The following EFCAB8 variants were observed in gnomAD, a reference collection of about 807,000 sequenced individuals.
EFCAB8 encodes EF-hand calcium-binding domain-containing protein 8.
Under a neutral mutation model 116.3 loss-of-function variants are expected in EFCAB8, and 100 were observed. The ratio of observed to expected loss-of-function variants is 0.86; its 90% CI spans 0.73 to 1.02. The LOEUF is 1.02. Among genes scored for constraint, EFCAB8 ranks in the 50% least tolerant of loss-of-function variants. EFCAB8 has a pLI of 0.00. For synonymous variants in EFCAB8, 558 were observed against 567.9 expected (o/e 0.98, Z 0.25); for missense variants, 1,320 against 1,416.9 (o/e 0.93, Z 1.10).
At chr20:32,931,505 T>C (rs529858902) in intron 22 of EFCAB8, 169 bp downstream of exon 22, 6 of 500,816 alleles carry the variant, frequency 1.2e-5, no homozygotes, top group Non-Finnish European at 1.6e-5. Flanking sequence ...ACGCCTGTAA[T>C]CCCAGCACTT....
In EFCAB8 at chr20:32,959,828, C is replaced by T. The variant is rs746010816; in HGVS notation, c.3140C>T (p.Ala1047Val). Residue 1047 changes from alanine (A) to valine (V), a missense_variant, in exon 25 of 27, where the codon GCG (alanine) becomes GTG (valine). By Grantham distance (64) the Ala-to-Val change is moderately conservative. Transcript: ENST00000400522. Reference protein sequence around the residue: ...EALIYQRREQAALMALLHGKA... With the variant: ...EALIYQRREQVALMALLHGKA... ...CTGATATACCAGCGGCGAGAGCAGGCGGCGCTGATGGCTCTCCTGCATGGG... is the reference window on the plus strand; with the variant it reads ...CTGATATACCAGCGGCGAGAGCAGGTGGCGCTGATGGCTCTCCTGCATGGG... 2.7e-5 allele frequency: 42 copies of T among 1,539,542 alleles called. 1 individual carries two copies. Among genetic ancestry groups the T allele is most frequent in the South Asian group, 1.2e-4 (10 of 82,204 alleles).
At chr20:32,898,673 G>T (rs1176537718) in intron 11 of EFCAB8, 50 bp downstream of exon 11, 1 of 708,738 alleles carries the variant, frequency 1.4e-6, no homozygotes, top group Admixed American at 2.0e-5. Flanking sequence ...GAAGGGAGGG[G>T]GGTGGTGAGT....
In EFCAB8 at chr20:32,907,441, C is replaced by A. The variant is rs185825194; in HGVS notation, c.1308+447C>A. Among the ~76,000 whole-genome samples, 74 of 152,350 alleles carry A rather than the reference C, an allele frequency of 4.9e-4. 3 individuals carry two copies. The East Asian group carries it at 0.012, about 25-fold the overall frequency. ...GCCTGGCCATGAGGGCTGGGCTTGG[C>A]CTTTCCCACATGCCAGGGCTCCCAC... is the stretch of plus-strand genomic sequence containing the variant. On this transcript the variant is annotated intron_variant, in intron 13 of 26. Transcript: ENST00000400522.
Position 32,912,879 on chromosome 20 carries a change from T to C in EFCAB8, c.1856+15T>C, listed in dbSNP as rs374084116. The C allele has an allele frequency of 4.2e-6, 3 of 718,210 alleles. No individual in the cohort carries two copies. Among genetic ancestry groups the C allele is most frequent in the Non-Finnish European group, 5.2e-6 (2 of 384,930 alleles). 44.5% of individuals were successfully genotyped at this position (718,210 alleles called of 1,614,324 possible). On this transcript the variant is annotated intron_variant, in intron 17 of 26. Coordinates refer to ENST00000400522, the MANE Select transcript of EFCAB8 (RefSeq NM_001143967.2). Reference sequence around the variant, plus strand: ...ACTCATTTCCTGTGAGTAGAAAGCATGTATGGTGAGTAGGTTCCAGTAGCT... The same window carrying C: ...ACTCATTTCCTGTGAGTAGAAAGCACGTATGGTGAGTAGGTTCCAGTAGCT...
chr20:32,886,027 T>C (rs879801497), intron 6 of EFCAB8, among the ~76,000 whole-genome samples: 2 of 152,212 alleles, frequency 1.3e-5, no homozygotes, highest in Non-Finnish European at 2.9e-5. Flanking sequence ...GTCCTACCGA[T>C]TCAGGCCTTT....
At position 32,893,210 on chromosome 20, in the gene EFCAB8, C is replaced by A; in HGVS notation, c.795C>A (p.Asp265Glu). The A allele has an allele frequency of 1.3e-6, 2 of 1,552,066 alleles. No individual in the cohort carries two copies. The highest frequency in any genetic ancestry group is 1.7e-6 in the Non-Finnish European group (2 of 1,147,068). Residue 265 changes from aspartate to glutamate, a missense_variant, in exon 9 of 27, where the codon GAC becomes GAA. Transcript: ENST00000400522. Reference protein sequence around the residue: ...DYHRGVFCYGDAKGNVIVFTS... With the variant: ...DYHRGVFCYGEAKGNVIVFTS... Reference sequence around the variant, plus strand: ...ACAGAGGTGTGTTCTGCTATGGAGACGCCAAAGGCAACGTCATTGTCTTCA... The same window carrying A: ...ACAGAGGTGTGTTCTGCTATGGAGAAGCCAAAGGCAACGTCATTGTCTTCA...
intron 6 of EFCAB8, among the ~76,000 whole-genome samples, chr20:32,887,355 C>T (rs1196761073): frequency 2.0e-5 from 3 of 152,216 alleles, no homozygotes; most frequent in Admixed American, 1.3e-4. Context: ...GCAGGCGGAT[C>T]ACTTGAGGTC....
chr20:32,920,198 A>T lies in EFCAB8; in HGVS notation c.2395A>T (p.Ser799Cys), dbSNP rs768958022. 1 of 1,551,662 alleles carries T rather than the reference A, an allele frequency of 6.4e-7. No homozygotes were observed. The highest frequency in any genetic ancestry group is 1.2e-5 in the South Asian group (1 of 84,040). ...GCAGAAGAATATGTTGGTTCAATCC[A>T]GTGCCTCGGTGGAGAAGGTTGGCCG... Reference protein sequence around the residue: ...EWQKNMLVQSSASVEKIIFLQ... With the variant: ...EWQKNMLVQSCASVEKIIFLQ... Residue 799 changes from serine (S) to cysteine (C), a missense_variant, in exon 20 of 27, where the codon AGT (serine) becomes TGT (cysteine). Physicochemically the swap from Ser to Cys is moderately radical, Grantham distance 112. Coordinates refer to ENST00000400522, the MANE Select transcript of EFCAB8 (RefSeq NM_001143967.2).
In EFCAB8 at chr20:32,893,303, C is replaced by T; in HGVS notation, c.883+5C>T. 1 of 1,551,708 alleles carries T rather than the reference C, an allele frequency of 6.4e-7. No individual in the cohort carries two copies. Among genetic ancestry groups the T allele is most frequent in the Non-Finnish European group, 8.7e-7 (1 of 1,146,976 alleles). On this transcript the variant is annotated splice_donor_5th_base_variant and intron_variant, in intron 9 of 26. Transcript: ENST00000400522. ...TCCCCAGGGCCTCCAAGTGGGGTAG[C>T]TAAGATGCTGGGGAAGGGGGCAGAG...
At chr20:32,933,637 C>T (rs1987989973) in intron 22 of EFCAB8, among the ~76,000 whole-genome samples, 1 of 152,196 alleles carries the variant, frequency 6.6e-6, no homozygotes, top group Non-Finnish European at 1.5e-5. Flanking sequence ...CCCCACCCCA[C>T]CCTCTAAGCC....
At chr20:32,925,964 C>G (rs1987653221) in intron 20 of EFCAB8, among the ~76,000 whole-genome samples, 2 of 152,226 alleles carry the variant, frequency 1.3e-5, no homozygotes, top group Admixed American at 1.3e-4. Context: ...TTACCTGTCC[C>G]TCGCAGCCAC....
intron 8 of EFCAB8, 90 bp downstream of exon 8, chr20:32,892,387 A>C: frequency 8.4e-7 from 1 of 1,190,886 alleles, no homozygotes; most frequent in Non-Finnish European, 1.2e-6. Context: ...GGGCCCCCAG[A>C]AAGCCTCCTT....
chr20:32,926,900 C>T (rs1039775408), intron 20 of EFCAB8, among the ~76,000 whole-genome samples: 2 of 148,770 alleles, frequency 1.3e-5, no homozygotes, highest in South Asian at 4.4e-4. Context: ...TTTCTTAATC[C>T]AGTCTATCAT....
intron 22 of EFCAB8, among the ~76,000 whole-genome samples, chr20:32,941,835 A>T (rs921586847): frequency 2.0e-5 from 3 of 152,224 alleles, no homozygotes; most frequent in African/African-American, 7.2e-5. Flanking sequence ...TGAGCACTTT[A>T]AATTGGTAAA....
intron 3 of EFCAB8, among the ~76,000 whole-genome samples, chr20:32,871,939 A>G (rs1600365831): frequency 6.6e-6 from 1 of 152,188 alleles, no homozygotes; most frequent in Non-Finnish European, 1.5e-5. Context: ...TTTGACTCCC[A>G]GCTCTGTCTG....
chr20:32,893,320 G>C, intron 9 of EFCAB8, 22 bp downstream of exon 9: 4 of 1,551,494 alleles, frequency 2.6e-6, no homozygotes, highest in Non-Finnish European at 3.5e-6. Context: ...GCTGGGGAAG[G>C]GGGCAGAGGC....
At chr20:32,940,071 TCC>T (rs1988358448) in intron 22 of EFCAB8, among the ~76,000 whole-genome samples, 1 of 128,940 alleles carries the variant, frequency 7.8e-6, no homozygotes, top group African/African-American at 2.9e-5. Flanking sequence ...CTTCCTTCCT[TCC>T]TTCCTTCCTT....
At chr20:32,932,145 A>G (rs954766453) in intron 22 of EFCAB8, among the ~76,000 whole-genome samples, 3 of 152,056 alleles carry the variant, frequency 2.0e-5, no homozygotes, top group Non-Finnish European at 4.4e-5. Context: ...TTGGGAGGCC[A>G]AGGCTGGTGG....
intron 22 of EFCAB8, among the ~76,000 whole-genome samples, chr20:32,939,116 T>C (rs540273566): frequency 7.6e-6 from 1 of 132,336 alleles, no homozygotes; most frequent in East Asian, 2.3e-4. Flanking sequence ...TTTCTTTCTC[T>C]CTTTCTTTCT....
Sources: gnomAD v4.1 joint callset for allele counts (sites outside exome capture counted in the v4.1 genomes callset) on GRCh38, gnomAD v4.1.1 for gene constraint, MANE v1.5 for transcripts, NCBI Gene and HGNC (gene_info 2026-07-23, HGNC 2026-07-21) for gene names.